Variants in DTL observed in about 807,000 individuals in gnomAD.
The protein encoded by DTL is denticleless E3 ubiquitin protein ligase adapter.
In DTL, 46 loss-of-function variants were observed where a neutral mutation model predicts 87.0. That is an observed-to-expected ratio of 0.53 (90% confidence interval 0.42 to 0.68). The LOEUF (loss-of-function observed/expected upper bound fraction) is 0.68, where lower values mean the gene tolerates loss of function less well. Among genes scored for constraint, DTL ranks in the 30% least tolerant of loss-of-function variants. The pLI is 0.00. For missense variants in DTL, 737 were observed against 869.4 expected (o/e 0.85, Z 1.91); for synonymous variants, 308 against 311.2 (o/e 0.99, Z 0.11).
chr1:212,078,249 C>T lies in DTL; in HGVS notation c.1112C>T (p.Ser371Phe), dbSNP rs1237656569. 6.2e-7 allele frequency: 1 copy of T among 1,604,036 alleles called. No homozygotes were observed. The highest frequency in any genetic ancestry group is 1.7e-5 in the Admixed American group (1 of 59,882). Residue 371 changes from serine (S) to phenylalanine (F), a missense_variant, in exon 12 of 15, where the codon TCT (serine) becomes TTT (phenylalanine). Physicochemically the swap from Ser to Phe is radical, Grantham distance 155. Transcript: ENST00000366991. Reference protein sequence around the residue: ...QEVTSVCWCPSDFTKIATCSD... With the variant: ...QEVTSVCWCPFDFTKIATCSD... ...GTCACGTCTGTGTGCTGGTGTCCAT[C>T]TGACTTCACAAAGGTTTGTAAATGA...
In DTL at chr1:212,035,937, G is replaced by T. The variant is rs1667434759; in HGVS notation, c.47G>T (p.Arg16Ile). The change falls in exon 1 of 15, where the codon AGA becomes ATA. Residue 16 changes from arginine to isoleucine, a missense_variant. Physicochemically the swap from Arg to Ile is moderately conservative, Grantham distance 97 (BLOSUM62 -3). Transcript: ENST00000366991. Reference sequence around the variant, plus strand: ...CGCCAGCCCCAGCTTGGCGTCCTGAGAAATGGTGAGTAACGGTCCCAACCG... The same window carrying T: ...CGCCAGCCCCAGCTTGGCGTCCTGATAAATGGTGAGTAACGGTCCCAACCG... ...VLRQPQLGVL[R>I]NGWSSQYPLQ... 1 of 1,614,036 alleles carries T rather than the reference G, an allele frequency of 6.2e-7. No individual in the cohort carries two copies. The highest frequency in any genetic ancestry group is 1.1e-5 in the South Asian group (1 of 91,090).
chr1:212,091,108 AAGC>A (rs1304435746), intron 13 of DTL, among the ~76,000 whole-genome samples: 1 of 152,242 alleles, frequency 6.6e-6, no homozygotes, highest in Admixed American at 6.5e-5. Flanking sequence ...ATATATTAAG[AAGC>A]AGGTTATTCC....
At chr1:212,043,864 C>G (rs1349690559) in intron 2 of DTL, among the ~76,000 whole-genome samples, 1 of 150,350 alleles carries the variant, frequency 6.7e-6, no homozygotes, top group East Asian at 1.9e-4. Flanking sequence ...AAGTATTTGT[C>G]TCCACCCATA....
chr1:212,036,007 C>T, intron 1 of DTL, 65 bp downstream of exon 1: 1 of 1,525,490 alleles, frequency 6.6e-7, no homozygotes, highest in African/African-American at 1.4e-5. Flanking sequence ...ACACACGCCA[C>T]CTCCGACCAG....
At chr1:212,070,764 G>T (rs1654647950) in intron 10 of DTL, among the ~76,000 whole-genome samples, 3 of 152,074 alleles carry the variant, frequency 2.0e-5, no homozygotes, top group Admixed American at 2.0e-4. Flanking sequence ...AGGATGACTT[G>T]GTTGGAAGTA....
chr1:212,101,495 A>G (rs1214298419), intron 14 of DTL, among the ~76,000 whole-genome samples: 2 of 152,170 alleles, frequency 1.3e-5, no homozygotes, highest in Non-Finnish European at 1.5e-5. Flanking sequence ...TTATAGATAA[A>G]GCTGTTGTTC....
rs1460330673 is a variant in DTL at position 212,063,406 on chromosome 1, A to G, written c.526+457A>G. Among the ~76,000 whole-genome samples, 4 of 151,480 alleles carry G rather than the reference A, an allele frequency of 2.6e-5. No homozygotes were observed. The South Asian group carries it at 8.3e-4, about 32-fold the overall frequency. On this transcript the variant is annotated intron_variant, in intron 6 of 14. Coordinates refer to ENST00000366991, the MANE Select transcript of DTL (RefSeq NM_016448.4). ...TGGGTTCCAGCAATTCCTCTAGCTC[A>G]GCCTCCTGAGTAGCTGGGATTACAG... is the stretch of plus-strand genomic sequence containing the variant.
chr1:212,068,970 T>C (rs1003400408), intron 10 of DTL, among the ~76,000 whole-genome samples: 7 of 152,232 alleles, frequency 4.6e-5, no homozygotes, highest in Admixed American at 3.3e-4. Flanking sequence ...TTTAGAATTC[T>C]CTCAATTTTT....
Position 212,100,903 on chromosome 1 carries a change from T to C in DTL, c.1913T>C (p.Leu638Pro). Residue 638 changes from leucine to proline, a missense_variant, in exon 14 of 15, where the codon CTT becomes CCT. Coordinates refer to ENST00000366991, the MANE Select transcript of DTL (RefSeq NM_016448.4). ...YASESCGTLP[L>P]PLRPCGEGSE... is the part of the protein sequence containing the mutation. ...TCAGAAAGCTGTGGAACGCTACCTC[T>C]TCCTTTGAGACCTTGTGGAGAAGGG... is the stretch of plus-strand genomic sequence containing the variant. 6.2e-7 allele frequency: 1 copy of C among 1,614,216 alleles called. No individual in the cohort carries two copies. The highest frequency in any genetic ancestry group is 8.5e-7 in the Non-Finnish European group (1 of 1,180,028).
chr1:212,068,407 T>G, intron 9 of DTL, 80 bp downstream of exon 9: 1 of 1,003,186 alleles, frequency 1.0e-6, no homozygotes, highest in East Asian at 2.5e-5. Flanking sequence ...CCAGTAACAT[T>G]GATATGAAAA....
chr1:212,066,434 T>A (rs1654499137), intron 7 of DTL, among the ~76,000 whole-genome samples: 1 of 152,208 alleles, frequency 6.6e-6, no homozygotes, highest in African/African-American at 2.4e-5. Context: ...CTTTTGATAC[T>A]CCTATATGAT....
At chr1:212,052,184 G>C (rs550708321) in intron 5 of DTL, among the ~76,000 whole-genome samples, 1 of 152,138 alleles carries the variant, frequency 6.6e-6, no homozygotes, top group African/African-American at 2.4e-5. Context: ...TGTTTTTCCT[G>C]ACTATTTTCA....
chr1:212,081,052 A>C (rs759174431), intron 13 of DTL, among the ~76,000 whole-genome samples: 4 of 152,208 alleles, frequency 2.6e-5, no homozygotes, highest in Non-Finnish European at 5.9e-5. Flanking sequence ...CTGAAGATGT[A>C]AATAGAGCTA....
rs1327937097 is a variant in DTL, at chr1:212,072,214, G to T, written c.1035+1G>T. 1 of 1,609,040 alleles carries T rather than the reference G, an allele frequency of 6.2e-7. No individual in the cohort carries two copies. The highest frequency in any genetic ancestry group is 1.1e-5 in the South Asian group (1 of 90,966). ...TGATGAAGCTGCCTACATATGGAAGGTAAGTTGCTAAACTTCACCCACAAG... is the reference window on the plus strand; with the variant it reads ...TGATGAAGCTGCCTACATATGGAAGTTAAGTTGCTAAACTTCACCCACAAG... On this transcript the variant is annotated splice_donor_variant, in intron 11 of 14. Coordinates refer to ENST00000366991, the MANE Select transcript of DTL (RefSeq NM_016448.4). LOFTEE classifies it high-confidence loss of function.
At chr1:212,047,891 G>C (rs1667853076) in intron 5 of DTL, among the ~76,000 whole-genome samples, 1 of 152,178 alleles carries the variant, frequency 6.6e-6, no homozygotes, top group African/African-American at 2.4e-5. Flanking sequence ...ATTGGTTTTA[G>C]GCCCACTCTT....
At position 212,056,569 on chromosome 1, in the gene DTL, AAC is replaced by A. The variant is rs1429576241; in HGVS notation, c.461-6311_461-6310del. ...CCAGGTGCACAAATATCAACATAAA[AAC>A]ACAGAGAAATCAAAAAGCAAGGATA... On this transcript the variant is annotated intron_variant, in intron 5 of 14. Coordinates refer to ENST00000366991, the MANE Select transcript of DTL (RefSeq NM_016448.4). 1.1e-4 allele frequency among the ~76,000 whole-genome samples: 17 copies of A among 152,308 alleles called. No homozygotes were observed. The East Asian group carries it at 3.1e-3, about 28-fold the overall frequency.
intron 7 of DTL, among the ~76,000 whole-genome samples, chr1:212,065,247 T>C (rs1015402908): frequency 6.6e-6 from 1 of 152,240 alleles, no homozygotes; most frequent in African/African-American, 2.4e-5. Context: ...AATTAAAATA[T>C]ATGTAGCCTC....
At chr1:212,062,636 A>G (rs1654363317) in intron 5 of DTL, among the ~76,000 whole-genome samples, 1 of 152,140 alleles carries the variant, frequency 6.6e-6, no homozygotes, top group Non-Finnish European at 1.5e-5. Flanking sequence ...TGTACTATAT[A>G]TTTTATATGG....
At chr1:212,058,317 C>T (rs1423722836) in intron 5 of DTL, among the ~76,000 whole-genome samples, 5 of 152,142 alleles carry the variant, frequency 3.3e-5, no homozygotes, top group African/African-American at 1.2e-4. Flanking sequence ...CAAAACAAGT[C>T]TCAACACATT....
Sources: allele counts gnomAD v4.1 joint callset (sites outside exome capture counted in the v4.1 genomes callset), GRCh38; gene constraint gnomAD v4.1.1; transcripts MANE v1.5; gene names NCBI Gene and HGNC (gene_info 2026-07-23, HGNC 2026-07-21).